ANKRD17: variants seen among roughly 807,000 people sequenced by gnomAD.
ANKRD17 encodes ankyrin repeat domain 17.
A neutral mutation model predicts 229.7 loss-of-function variants in ANKRD17; 19 were observed. The ratio of observed to expected loss-of-function variants is 0.08; its 90% CI spans 0.06 to 0.12. ANKRD17 has a LOEUF of 0.12. ANKRD17 is among the 10% of genes least tolerant of loss of function. The pLI is 1.00. For missense variants in ANKRD17, 2,176 were observed against 3,176.8 expected, an observed-to-expected ratio of 0.68 and a Z score of 7.57; for synonymous variants, 1,112 against 1,146.1, an observed-to-expected ratio of 0.97 and a Z score of 0.60.
At position 73,092,158 on chromosome 4, in the gene ANKRD17, T is replaced by C. The variant is rs747806965; in HGVS notation, c.5470A>G (p.Thr1824Ala). Residue 1824 changes from threonine to alanine, a missense_variant, in exon 29 of 34, where the codon ACC becomes GCC. This residue lies in a region of ANKRD17 where 142 missense variants were observed against 200.4 expected (regional missense o/e 0.71). Transcript: ENST00000358602. ...AAGGAAGTGTTAGCAGCAGTGGTGG[T>C]AGGTGCTGATGACCCTATTTTGGAA... is the stretch of plus-strand genomic sequence containing the variant. Reference protein sequence around the residue: ...ANSKIGSSAPTTTAANTSLMG... With the variant: ...ANSKIGSSAPATTAANTSLMG... 7 of 1,614,194 alleles carry C rather than the reference T, an allele frequency of 4.3e-6. No individual in the cohort carries two copies. Among genetic ancestry groups the C allele is most frequent in the Non-Finnish European group, 5.9e-6 (7 of 1,180,030 alleles).
At chr4:73,219,787 A>G (rs1161862383) in intron 1 of ANKRD17, among the ~76,000 whole-genome samples, 1 of 152,190 alleles carries the variant, frequency 6.6e-6, no homozygotes. Flanking sequence ...AGTTATTATT[A>G]CACTTAACAA....
At chr4:73,114,083 T>C (rs1725640511) in intron 23 of ANKRD17, among the ~76,000 whole-genome samples, 175 bp from the exon 24 acceptor site, 1 of 152,200 alleles carries the variant, frequency 6.6e-6, no homozygotes, top group Non-Finnish European at 1.5e-5. Context: ...TTTAGGAATA[T>C]ATACAAATGA....
At chr4:73,197,680 T>A (rs1468314066) in intron 1 of ANKRD17, among the ~76,000 whole-genome samples, 2 of 152,148 alleles carry the variant, frequency 1.3e-5, no homozygotes, top group South Asian at 2.1e-4. Context: ...AAAAATTTTT[T>A]TTTTAATCAG....
At chr4:73,255,507 C>T (rs2149292127) in intron 1 of ANKRD17, among the ~76,000 whole-genome samples, 1 of 152,224 alleles carries the variant, frequency 6.6e-6, no homozygotes, top group African/African-American at 2.4e-5. Context: ...AAAGACAACA[C>T]TGTGATTTTA....
chr4:73,155,616 AG>A lies in ANKRD17; in HGVS notation c.1000+14del, dbSNP rs1307787521. 2 of 1,612,412 alleles carry A rather than the reference AG, an allele frequency of 1.2e-6. No individual in the cohort carries two copies. Among genetic ancestry groups the A allele is most frequent in the Non-Finnish European group, 1.7e-6 (2 of 1,178,928 alleles). On this transcript the variant is annotated intron_variant, in intron 5 of 33. Coordinates refer to ENST00000358602, the MANE Select transcript of ANKRD17 (RefSeq NM_032217.5). The stretch of plus-strand genomic sequence containing the variant: ...TGTTACTATGTAGTAAAACTGAAAA[AG>A]AAATAGGCATGACCTGTTGAAGACT...
chr4:73,201,152 CATTTATTT>C (rs1444308365), intron 1 of ANKRD17, among the ~76,000 whole-genome samples: 1 of 151,910 alleles, frequency 6.6e-6, no homozygotes, highest in Non-Finnish European at 1.5e-5. Flanking sequence ...AGAAAAGACA[CATTTATTT>C]AAAATGTATG....
chr4:73,086,920 ATATATATATAT>A (rs1299576922), intron 29 of ANKRD17, among the ~76,000 whole-genome samples: 5 of 10,992 alleles, frequency 4.5e-4, no homozygotes, highest in Non-Finnish European at 8.9e-4. Flanking sequence ...AAAAAAAAAA[ATATATATATAT>A]ATATATATAT....
chr4:73,198,210 G>A lies in ANKRD17; in HGVS notation c.394-20677C>T, dbSNP rs771638232. Among the ~76,000 whole-genome samples, 108 of 152,102 alleles carry A rather than the reference G, an allele frequency of 7.1e-4. 1 individual carries two copies. The highest frequency in any genetic ancestry group is 1.3e-3 in the Non-Finnish European group (90 of 68,026). ...TTATAGAAGCATTAAATACAGAATA[G>A]TTTTACTAAAATATCACTGACTTTG... On this transcript the variant is annotated intron_variant, in intron 1 of 33. Transcript: ENST00000358602.
At chr4:73,078,594 G>C (rs200187774) in intron 31 of ANKRD17, 48 bp downstream of exon 31, 1 of 1,574,258 alleles carries the variant, frequency 6.4e-7, no homozygotes, top group Non-Finnish European at 8.6e-7. Flanking sequence ...TTACATTATA[G>C]TTAAATGCAT....
At chr4:73,089,623 A>G (rs1178312190) in intron 29 of ANKRD17, among the ~76,000 whole-genome samples, 1 of 152,218 alleles carries the variant, frequency 6.6e-6, no homozygotes, top group African/African-American at 2.4e-5. Flanking sequence ...TTCGAAATGT[A>G]TCATGGTTAT....
chr4:73,239,267 AAT>A (rs1321872386), intron 1 of ANKRD17, among the ~76,000 whole-genome samples: 2 of 152,310 alleles, frequency 1.3e-5, no homozygotes, highest in East Asian at 3.9e-4. Flanking sequence ...CAGTTACAGA[AAT>A]AGATTCCCAT....
intron 1 of ANKRD17, among the ~76,000 whole-genome samples, chr4:73,224,046 G>GT (rs1261484983): frequency 6.6e-6 from 1 of 152,114 alleles, no homozygotes; most frequent in African/African-American, 2.4e-5. Context: ...GAGGCCAGGA[G>GT]TTCGATCAAG....
chr4:73,170,123 C>A (rs1286628210), intron 2 of ANKRD17, among the ~76,000 whole-genome samples: 1 of 152,030 alleles, frequency 6.6e-6, no homozygotes. Context: ...GCTTGAGTCA[C>A]CCCTCTCCCA....
At chr4:73,158,694 T>A (rs1732101662) in intron 3 of ANKRD17, among the ~76,000 whole-genome samples, 1 of 152,264 alleles carries the variant, frequency 6.6e-6, no homozygotes, top group East Asian at 1.9e-4. Flanking sequence ...GGGGGCTTTG[T>A]CTTCATGAAT....
chr4:73,212,740 G>C (rs975553251), intron 1 of ANKRD17, among the ~76,000 whole-genome samples: 4 of 152,062 alleles, frequency 2.6e-5, no homozygotes, highest in Admixed American at 2.6e-4. Flanking sequence ...ATTTAGGCCA[G>C]CACAGTGGCT....
At chr4:73,089,042 T>A (rs1203916618) in intron 29 of ANKRD17, among the ~76,000 whole-genome samples, 3 of 151,884 alleles carry the variant, frequency 2.0e-5, no homozygotes, top group African/African-American at 7.3e-5. Flanking sequence ...TTATTCTTTT[T>A]AAATTTTTTT....
Position 73,076,173 on chromosome 4 carries a change from G to A in ANKRD17, c.*58C>T. On this transcript the variant is annotated 3_prime_UTR_variant, in exon 34 of 34. Coordinates refer to ENST00000358602, the MANE Select transcript of ANKRD17 (RefSeq NM_032217.5). ...TTTGGGAGCATAATTTTTTTTTTCG[G>A]CCACTTGTGATTTCCTCCAAATGAA... 2 of 1,512,344 alleles carry A rather than the reference G, an allele frequency of 1.3e-6. No homozygotes were observed. Among genetic ancestry groups the A allele is most frequent in the Non-Finnish European group, 9.0e-7 (1 of 1,116,708 alleles). 93.7% of individuals were successfully genotyped at this position (1,512,344 alleles called of 1,614,324 possible).
At chr4:73,221,992 C>A (rs1468240699) in intron 1 of ANKRD17, among the ~76,000 whole-genome samples, 1 of 152,088 alleles carries the variant, frequency 6.6e-6, no homozygotes, top group African/African-American at 2.4e-5. Context: ...CCCTTTGCAG[C>A]TTCTTCTCCC....
intron 1 of ANKRD17, among the ~76,000 whole-genome samples, chr4:73,177,981 T>A (rs1734964318): frequency 1.3e-5 from 2 of 152,146 alleles, no homozygotes; most frequent in South Asian, 4.1e-4. Flanking sequence ...TACTGGAAAT[T>A]AAGTAACAAA....
Sources: gnomAD v4.1 joint callset for allele counts (sites outside exome capture counted in the v4.1 genomes callset) on GRCh38, gnomAD v4.1.1 for gene constraint, gnomAD v4.1.1 regional missense constraint, MANE v1.5 for transcripts, NCBI Gene and HGNC (gene_info 2026-07-23, HGNC 2026-07-21) for gene names.